The following SORCS3 variants were observed in gnomAD, a reference collection of about 807,000 sequenced individuals.
SORCS3 encodes the protein VPS10 domain-containing receptor SorCS3.
A neutral mutation model predicts 146.3 loss-of-function variants in SORCS3; 57 were observed. The ratio of observed to expected loss-of-function variants is 0.39; its 90% CI spans 0.31 to 0.49. SORCS3 has a LOEUF of 0.49. Among genes scored for constraint, SORCS3 ranks in the 20% least tolerant of loss-of-function variants. SORCS3 has a pLI of 0.92. For synonymous variants in SORCS3, 653 were observed against 618.5 expected (o/e 1.06, Z -0.83); for missense variants, 1,341 against 1,575.5 (o/e 0.85, Z 2.52).
chr10:105,258,933 T>A (rs55979477), intron 25 of SORCS3, among the ~76,000 whole-genome samples: 2,075 of 152,284 alleles, frequency 0.014, 57 homozygotes, highest in African/African-American at 0.047. Context: ...TCCTGGAAGT[T>A]TTACTCCCAA....
At chr10:104,728,052 TATCTATCTATCTATCTATCTA>T (rs1489223562) in intron 1 of SORCS3, among the ~76,000 whole-genome samples, 2 of 151,454 alleles carry the variant, frequency 1.3e-5, no homozygotes, top group African/African-American at 4.9e-5. Context: ...TCTATCTATC[TATCTATCTATCTATCTATCTA>T]ATCTATCTGT....
At chr10:105,028,539 T>A (rs77987081) in intron 4 of SORCS3, among the ~76,000 whole-genome samples, 9,506 of 152,222 alleles carry the variant, frequency 0.062, 882 homozygotes, top group African/African-American at 0.2. Context: ...CTTGTGAATC[T>A]TGGTGGGTGT....
At chr10:104,749,001 G>A (rs1381728155) in intron 1 of SORCS3, among the ~76,000 whole-genome samples, 2 of 152,140 alleles carry the variant, frequency 1.3e-5, no homozygotes, top group Non-Finnish European at 2.9e-5. Context: ...GAGACCAATG[G>A]GCAGAGTCCT....
At chr10:104,957,263 T>G (rs898558674) in intron 3 of SORCS3, among the ~76,000 whole-genome samples, 1 of 152,196 alleles carries the variant, frequency 6.6e-6, no homozygotes, top group African/African-American at 2.4e-5. Flanking sequence ...TAAAAACCTA[T>G]AAATTACACT....
chr10:104,795,614 A>G (rs950791198), intron 1 of SORCS3, among the ~76,000 whole-genome samples: 8 of 152,126 alleles, frequency 5.3e-5, no homozygotes, highest in African/African-American at 1.9e-4. Context: ...AATGATCGGC[A>G]TTCCTGCCTT....
At chr10:104,807,481 C>T (rs2017691642) in intron 1 of SORCS3, among the ~76,000 whole-genome samples, 1 of 151,508 alleles carries the variant, frequency 6.6e-6, no homozygotes, top group African/African-American at 2.4e-5. Context: ...CAAACATGAA[C>T]TATCAGGGCA....
chr10:105,158,503 T>G (rs1182230536), intron 10 of SORCS3, among the ~76,000 whole-genome samples: 1 of 152,156 alleles, frequency 6.6e-6, no homozygotes, highest in Non-Finnish European at 1.5e-5. Context: ...CAGAGGGCCC[T>G]TACAACTCCA....
intron 2 of SORCS3, among the ~76,000 whole-genome samples, chr10:104,877,313 T>C (rs2018586469): frequency 6.6e-6 from 1 of 152,154 alleles, no homozygotes; most frequent in Admixed American, 6.6e-5. Flanking sequence ...TTTCACTTTC[T>C]CCATCTTTCA....
chr10:105,110,200 T>G lies in SORCS3; in HGVS notation c.1212+4685T>G, dbSNP rs1320185718. ...TTTTTGTTTAACTTCTTTTCTGAGC[T>G]TTGCCAGTTTATATTGTGTCTCTTT... is the stretch of plus-strand genomic sequence containing the variant. On this transcript the variant is annotated intron_variant, in intron 7 of 26. Coordinates refer to ENST00000369701, the MANE Select transcript of SORCS3 (RefSeq NM_014978.3). 2.3e-3 allele frequency among the ~76,000 whole-genome samples: 348 copies of G among 152,168 alleles called. 1 individual carries two copies. Among genetic ancestry groups the G allele is most frequent in the African/African-American group, 7.8e-3 (326 of 41,554 alleles).
At chr10:105,251,670 A>G (rs765685045) in intron 22 of SORCS3, among the ~76,000 whole-genome samples, 19 of 152,270 alleles carry the variant, frequency 1.2e-4, no homozygotes, top group Non-Finnish European at 2.5e-4. Context: ...GTTCTGGATA[A>G]AAGATCTTCA....
chr10:104,897,195 C>G (rs1386064768), intron 2 of SORCS3, among the ~76,000 whole-genome samples: 3 of 152,162 alleles, frequency 2.0e-5, no homozygotes, highest in African/African-American at 7.2e-5. Flanking sequence ...TCAGTCTGTA[C>G]AAAAGGTAAC....
intron 4 of SORCS3, among the ~76,000 whole-genome samples, chr10:105,025,333 C>G (rs1019077887): frequency 1.3e-5 from 2 of 152,118 alleles, no homozygotes; most frequent in Admixed American, 6.6e-5. Context: ...AGAGCCAGGT[C>G]CTGATAGCTG....
At chr10:105,107,919 A>G (rs1007718921) in intron 7 of SORCS3, among the ~76,000 whole-genome samples, 4 of 152,206 alleles carry the variant, frequency 2.6e-5, no homozygotes, top group African/African-American at 7.2e-5. Flanking sequence ...TGACTTATCT[A>G]TAAAAAGAAG....
At chr10:104,855,716 A>AGTGTGTGTGTGTGTGT (rs58569291) in intron 2 of SORCS3, among the ~76,000 whole-genome samples, 4 of 150,752 alleles carry the variant, frequency 2.7e-5, no homozygotes, top group African/African-American at 9.7e-5. Context: ...TTTGCTTTTG[A>AGTGTGTGTGTGTGTGT]GTGTGTGTGT....
intron 1 of SORCS3, among the ~76,000 whole-genome samples, chr10:104,841,084 T>C (rs2018134908): frequency 6.6e-6 from 1 of 152,098 alleles, no homozygotes; most frequent in Non-Finnish European, 1.5e-5. Flanking sequence ...ATACCATATA[T>C]ACTGATTCAA....
intron 1 of SORCS3, among the ~76,000 whole-genome samples, chr10:104,790,682 C>CAG (rs1377209031): frequency 1.3e-5 from 2 of 152,132 alleles, no homozygotes; most frequent in Admixed American, 1.3e-4. Context: ...TCTCTGAAGG[C>CAG]AGAGATTGTG....
intron 4 of SORCS3, among the ~76,000 whole-genome samples, chr10:105,019,423 T>G (rs2055186309): frequency 6.6e-6 from 1 of 151,688 alleles, no homozygotes; most frequent in South Asian, 2.1e-4. Context: ...CTTCATATAC[T>G]TCATGTTTTA....
chr10:104,720,815 A>G (rs2016538725), intron 1 of SORCS3, among the ~76,000 whole-genome samples: 1 of 152,044 alleles, frequency 6.6e-6, no homozygotes, highest in Admixed American at 6.5e-5. Context: ...CCACTTGTTG[A>G]TGGGGTTGTT....
chr10:105,262,568 A>G, intron 26 of SORCS3, 77 bp downstream of exon 26: 2 of 1,439,458 alleles, frequency 1.4e-6, no homozygotes, highest in South Asian at 1.4e-5. Context: ...TCCCCCATAC[A>G]TTACTGGACT....
Sources: gnomAD v4.1 joint callset for allele counts (sites outside exome capture counted in the v4.1 genomes callset) on GRCh38, gnomAD v4.1.1 for gene constraint, MANE v1.5 for transcripts, NCBI Gene and HGNC (gene_info 2026-07-23, HGNC 2026-07-21) for gene names.